NSD1: variants seen among roughly 807,000 people sequenced by gnomAD.
The protein encoded by NSD1 is nuclear receptor binding SET domain protein 1.
NSD1 carries 26 observed loss-of-function variants against 242.7 expected under a neutral mutation model. The observed-to-expected ratio is 0.11, with a 90% CI of 0.08 to 0.15. The LOEUF (loss-of-function observed/expected upper bound fraction) is 0.15. Ranked by LOEUF, NSD1 falls within the 10% of genes least tolerant of loss-of-function variation. NSD1 has a pLI of 1.00. For missense variants in NSD1, 2,495 were observed against 3,272.8 expected (o/e 0.76, Z 5.80); for synonymous variants, 1,106 against 1,178.1 (o/e 0.94, Z 1.25).
At chr5:177,278,946 A>G (rs1171167311) in intron 17 of NSD1, among the ~76,000 whole-genome samples, 1 of 152,222 alleles carries the variant, frequency 6.6e-6, no homozygotes, top group Non-Finnish European at 1.5e-5. Context: ...CTTTGGTGTC[A>G]CAATAACTGT....
intron 5 of NSD1, among the ~76,000 whole-genome samples, chr5:177,217,424 T>TGCAAAGAGATAATTTG (rs1198623772): frequency 1.3e-5 from 2 of 152,178 alleles, no homozygotes; most frequent in African/African-American, 4.8e-5. Flanking sequence ...TCATGTCATC[T>TGCAAAGAGATAATTTG]GCAAAGAGAT....
intron 14 of NSD1, among the ~76,000 whole-genome samples, chr5:177,261,874 C>T (rs1171603367): frequency 6.6e-6 from 1 of 152,040 alleles, no homozygotes; most frequent in South Asian, 2.1e-4. Flanking sequence ...TATGCAGTTT[C>T]CTGAAAACCT....
chr5:177,286,437 G>T (rs1162431795), intron 20 of NSD1, among the ~76,000 whole-genome samples: 1 of 152,102 alleles, frequency 6.6e-6, no homozygotes, highest in Non-Finnish European at 1.5e-5. Context: ...TGGAATGGGT[G>T]GTTTCAGAGT....
intron 2 of NSD1, among the ~76,000 whole-genome samples, chr5:177,152,265 C>G (rs1757772821): frequency 6.6e-6 from 1 of 151,942 alleles, no homozygotes; most frequent in Non-Finnish European, 1.5e-5. Context: ...CTCGGCCTCC[C>G]AAAGTGTTGG....
At chr5:177,240,186 C>A (rs532479530) in intron 8 of NSD1, among the ~76,000 whole-genome samples, 1 of 152,176 alleles carries the variant, frequency 6.6e-6, no homozygotes, top group South Asian at 2.1e-4. Context: ...ACTACTATCT[C>A]AAATATCACT....
intron 12 of NSD1, among the ~76,000 whole-genome samples, chr5:177,253,239 C>CAGT (rs1236948529): frequency 6.6e-6 from 1 of 152,120 alleles, no homozygotes; most frequent in African/African-American, 2.4e-5. Context: ...GAAAGGAAGA[C>CAGT]AGTACCTAAA....
At chr5:177,217,514 G>A (rs1763869777) in intron 5 of NSD1, among the ~76,000 whole-genome samples, 1 of 152,078 alleles carries the variant, frequency 6.6e-6, no homozygotes, top group South Asian at 2.1e-4. Context: ...GGTTGCTACA[G>A]TGGTATATTT....
chr5:177,258,847 GTTTGT>G (rs904499962), intron 13 of NSD1, among the ~76,000 whole-genome samples: 2 of 151,082 alleles, frequency 1.3e-5, no homozygotes, highest in Admixed American at 6.6e-5. Context: ...GTGTTTTTTT[GTTTGT>G]TTTGTTTTGT....
At position 177,298,103 on chromosome 5, in the gene NSD1, A is replaced by G. The variant is rs147942947; in HGVS notation, c.*2644A>G. On this transcript the variant is annotated 3_prime_UTR_variant, in exon 23 of 23. Coordinates refer to ENST00000439151, the MANE Select transcript of NSD1 (RefSeq NM_022455.5). ...TCCAATTAGAAGCAGAGTCACAACA[A>G]CTGTTGGGAAATGTGACTCTTGGAG... The G allele has an allele frequency of 8.4e-4, 196 of 232,918 alleles. 2 individuals are homozygous for G. Among genetic ancestry groups the G allele is most frequent in the Non-Finnish European group, 6.5e-4 (77 of 117,960 alleles). The allele number at this position is 232,918 out of a possible 1,614,324, so 14.4% of individuals were successfully genotyped here. A position where few individuals can be genotyped will look rare whatever the true frequency, so the allele number is the denominator to read the frequency against.
rs946263245 is a variant in NSD1, at chr5:177,166,084, A to AT, written c.928-25790dup. 3.2e-3 allele frequency among the ~76,000 whole-genome samples: 470 copies of AT among 145,090 alleles called. 1 individual carries two copies. Among genetic ancestry groups the AT allele is most frequent in the African/African-American group, 9.8e-3 (388 of 39,586 alleles). On this transcript the variant is annotated intron_variant, in intron 2 of 22. Transcript: ENST00000439151. ...GCTGCCACGCCCAGCTAATTTTTGT[A>AT]TTTTTTTTTTAGAAGAGATGGGGTT... is the stretch of plus-strand genomic sequence containing the variant.
At position 177,158,293 on chromosome 5, in the gene NSD1, CTTTCTTTCT is replaced by C. The variant is rs1554172560; in HGVS notation, c.927+22302_927+22310del. On this transcript the variant is annotated intron_variant, in intron 2 of 22. Transcript: ENST00000439151. Reference sequence around the variant, plus strand: ...TCTTTCTTTCTTTCTTTCTTTCTTTCTTTCTTTCTTTTCTTTCTTTTCTTTCTTTTCTTT... The same window carrying C: ...TCTTTCTTTCTTTCTTTCTTTCTTTCTTTCTTTCTTTTCTTTCTTTTCTTT... 8.0e-3 allele frequency among the ~76,000 whole-genome samples: 621 copies of C among 77,570 alleles called. 7 individuals are homozygous for C. Among genetic ancestry groups the C allele is most frequent in the South Asian group, 0.022 (48 of 2,164 alleles). 50.9% of individuals were successfully genotyped at this position (77,570 alleles called of 152,430 possible). A position where few individuals can be genotyped will look rare whatever the true frequency, so the allele number is the denominator to read the frequency against.
At chr5:177,170,208 G>C (rs1759574632) in intron 2 of NSD1, among the ~76,000 whole-genome samples, 1 of 151,840 alleles carries the variant, frequency 6.6e-6, no homozygotes, top group South Asian at 2.1e-4. Flanking sequence ...TCCTGACCTC[G>C]TGATCTGCCC....
At chr5:177,288,701 G>A in intron 20 of NSD1, 118 bp from the exon 21 acceptor site, 2 of 755,400 alleles carry the variant, frequency 2.6e-6, no homozygotes, top group Non-Finnish European at 4.7e-6. Flanking sequence ...TATAGGATTA[G>A]AGCTAAATTC....
chr5:177,255,152 A>T (rs905741771), intron 12 of NSD1, among the ~76,000 whole-genome samples: 5 of 152,132 alleles, frequency 3.3e-5, no homozygotes, highest in Non-Finnish European at 7.4e-5. Context: ...TGAAAATATA[A>T]AAATTAGCCA....
At chr5:177,192,338 G>A (rs939705504) in intron 3 of NSD1, among the ~76,000 whole-genome samples, 4 of 151,326 alleles carry the variant, frequency 2.6e-5, no homozygotes, top group Admixed American at 2.6e-4. Flanking sequence ...AGCCTCCCGA[G>A]TAGCTGGGAT....
chr5:177,181,430 T>C (rs866682552), intron 2 of NSD1, among the ~76,000 whole-genome samples: 4 of 142,116 alleles, frequency 2.8e-5, no homozygotes, highest in Non-Finnish European at 1.5e-5. Flanking sequence ...TTTTTTGGTT[T>C]TTTTTTTTTT....
chr5:177,199,144 T>C (rs1762320720), intron 3 of NSD1, among the ~76,000 whole-genome samples: 1 of 152,268 alleles, frequency 6.6e-6, no homozygotes, highest in South Asian at 2.1e-4. Context: ...ACAGGAGATA[T>C]TCAGCAGTTA....
intron 2 of NSD1, among the ~76,000 whole-genome samples, chr5:177,158,320 TTTTC>T (rs1332910585): frequency 4.7e-5 from 7 of 148,038 alleles, no homozygotes; most frequent in Non-Finnish European, 7.5e-5. Context: ...CTTTTCTTTC[TTTTC>T]TTTCTTTTCT....
chr5:177,228,265 CTT>C (rs750070622), intron 5 of NSD1, among the ~76,000 whole-genome samples: 22 of 138,206 alleles, frequency 1.6e-4, no homozygotes, highest in Non-Finnish European at 1.9e-4. Context: ...TTTTTCTTTT[CTT>C]TTTTTTTTTT....
Sources: allele counts gnomAD v4.1 joint callset (sites outside exome capture counted in the v4.1 genomes callset), GRCh38; gene constraint gnomAD v4.1.1; transcripts MANE v1.5; gene names NCBI Gene and HGNC (gene_info 2026-07-23, HGNC 2026-07-21).